PHACTR3: variants seen among roughly 807,000 people sequenced by gnomAD.
The protein encoded by PHACTR3 is phosphatase and actin regulator 3, also known as protein phosphatase 1, regulatory subunit 123.
Under a neutral mutation model 66.8 loss-of-function variants are expected in PHACTR3, and 16 were observed. The ratio of observed to expected loss-of-function variants is 0.24; its 90% CI spans 0.16 to 0.36. The LOEUF is 0.36. Among genes scored for constraint, PHACTR3 ranks in the 10% least tolerant of loss-of-function variants. PHACTR3 has a pLI of 1.00. For missense variants in PHACTR3, 647 were observed against 719.9 expected, an observed-to-expected ratio of 0.90 and a Z score of 1.16; for synonymous variants, 323 against 292.1, an observed-to-expected ratio of 1.11 and a Z score of -1.08.
At chr20:59,698,946 G>T (rs1231592187) in intron 1 of PHACTR3, among the ~76,000 whole-genome samples, 1 of 152,140 alleles carries the variant, frequency 6.6e-6, no homozygotes, top group Non-Finnish European at 1.5e-5. Context: ...ATGCTGCCTG[G>T]TAAGTACATT....
At chr20:59,760,231 G>A (rs1283205856) in intron 4 of PHACTR3, among the ~76,000 whole-genome samples, 1 of 152,208 alleles carries the variant, frequency 6.6e-6, no homozygotes, top group African/African-American at 2.4e-5. Context: ...TCAGGAGGAG[G>A]ACACTGTCAA....
At chr20:59,634,074 G>A (rs931878293) in intron 1 of PHACTR3, among the ~76,000 whole-genome samples, 5 of 152,152 alleles carry the variant, frequency 3.3e-5, no homozygotes, top group Non-Finnish European at 5.9e-5. Context: ...ACTGTTCAGC[G>A]CCCAGCTTTC....
intron 1 of PHACTR3, among the ~76,000 whole-genome samples, chr20:59,623,586 C>A (rs2034339310): frequency 6.6e-6 from 1 of 152,202 alleles, no homozygotes; most frequent in South Asian, 2.1e-4. Flanking sequence ...AACACGCTAG[C>A]CCCTGTTCTG....
intron 1 of PHACTR3, among the ~76,000 whole-genome samples, chr20:59,689,801 C>G (rs6064827): frequency 0.094 from 14,263 of 152,194 alleles, 935 homozygotes; most frequent in South Asian, 0.27. Flanking sequence ...CATCCCCATC[C>G]CTGCCACATC....
At chr20:59,748,333 GGA>G (rs2039448435) in intron 3 of PHACTR3, among the ~76,000 whole-genome samples, 1 of 152,090 alleles carries the variant, frequency 6.6e-6, no homozygotes, top group African/African-American at 2.4e-5. Context: ...GCATCCCTGG[GGA>G]GAGAGGCAGC....
At chr20:59,717,054 C>G (rs1369729736) in intron 1 of PHACTR3, among the ~76,000 whole-genome samples, 2 of 152,144 alleles carry the variant, frequency 1.3e-5, no homozygotes, top group African/African-American at 4.8e-5. Context: ...TTATTATGCT[C>G]ATAAACACAA....
chr20:59,713,097 C>G (rs1296182338), intron 1 of PHACTR3, among the ~76,000 whole-genome samples: 2 of 152,216 alleles, frequency 1.3e-5, no homozygotes, highest in Admixed American at 1.3e-4. Context: ...TCTGAGTTCT[C>G]ATTTTGAATC....
chr20:59,645,646 A>C (rs548616302), intron 1 of PHACTR3, among the ~76,000 whole-genome samples: 1 of 152,318 alleles, frequency 6.6e-6, no homozygotes, highest in Admixed American at 6.5e-5. Context: ...ATAAAACATA[A>C]ATTTATATAA....
intron 1 of PHACTR3, among the ~76,000 whole-genome samples, chr20:59,669,038 G>A (rs1483611728): frequency 6.6e-6 from 1 of 152,064 alleles, no homozygotes; most frequent in Non-Finnish European, 1.5e-5. Context: ...GTGAACCACT[G>A]CGCCCGGCCC....
At chr20:59,586,038 G>T (rs1053212861) in intron 1 of PHACTR3, among the ~76,000 whole-genome samples, 5 of 152,170 alleles carry the variant, frequency 3.3e-5, no homozygotes, top group Non-Finnish European at 7.4e-5. Context: ...GCGCAGGCCT[G>T]CCCGGACATC....
intron 5 of PHACTR3, 133 bp downstream of exon 5, chr20:59,767,528 A>G (rs1302971832): frequency 9.1e-7 from 1 of 1,095,642 alleles, no homozygotes; most frequent in Non-Finnish European, 1.3e-6. Context: ...CCATACCTTC[A>G]ACCAGTCTTG....
intron 3 of PHACTR3, among the ~76,000 whole-genome samples, chr20:59,754,965 G>A (rs1418193082): frequency 2.0e-5 from 3 of 152,222 alleles, no homozygotes; most frequent in African/African-American, 4.8e-5. Context: ...GGAGTGGAGT[G>A]TAAGAGCAGA....
At chr20:59,827,546 C>T (rs2042228879) in intron 8 of PHACTR3, among the ~76,000 whole-genome samples, 1 of 152,156 alleles carries the variant, frequency 6.6e-6, no homozygotes, top group African/African-American at 2.4e-5. Context: ...ACATACGGCT[C>T]TCTCCTTTCA....
chr20:59,626,091 G>T (rs1238161525), intron 1 of PHACTR3, among the ~76,000 whole-genome samples: 1 of 152,176 alleles, frequency 6.6e-6, no homozygotes, highest in South Asian at 2.1e-4. Flanking sequence ...GCAATCCTCT[G>T]CAGGGAATTT....
chr20:59,662,463 A>G (rs2035841097), intron 1 of PHACTR3, among the ~76,000 whole-genome samples: 1 of 152,138 alleles, frequency 6.6e-6, no homozygotes, highest in African/African-American at 2.4e-5. Flanking sequence ...AGGAGAGAGC[A>G]GGATGTATGG....
intron 1 of PHACTR3, among the ~76,000 whole-genome samples, chr20:59,625,654 C>T (rs1339282839): frequency 1.3e-5 from 2 of 152,132 alleles, no homozygotes; most frequent in Non-Finnish European, 2.9e-5. Context: ...CCAGCTTTCC[C>T]CCTCTGAGCC....
At chr20:59,806,645 A>G (rs575864081) in intron 8 of PHACTR3, among the ~76,000 whole-genome samples, 8 of 152,318 alleles carry the variant, frequency 5.3e-5, no homozygotes, top group Non-Finnish European at 5.9e-5. Flanking sequence ...AAATTTGTCA[A>G]GTAAAGCTAC....
At chr20:59,732,381 G>A (rs1388195812) in intron 1 of PHACTR3, among the ~76,000 whole-genome samples, 1 of 152,178 alleles carries the variant, frequency 6.6e-6, no homozygotes, top group African/African-American at 2.4e-5. Flanking sequence ...CTGCCTGTTA[G>A]GGTTGTTTGC....
At chr20:59,774,617 G>A in intron 7 of PHACTR3, 127 bp downstream of exon 7, 1 of 1,295,280 alleles carries the variant, frequency 7.7e-7, no homozygotes, top group South Asian at 1.5e-5. Flanking sequence ...GGAGAAACAA[G>A]AGGGGGGCTG....
Sources: gnomAD v4.1 joint callset for allele counts (sites outside exome capture counted in the v4.1 genomes callset) on GRCh38, gnomAD v4.1.1 for gene constraint, MANE v1.5 for transcripts, NCBI Gene and HGNC (gene_info 2026-07-23, HGNC 2026-07-21) for gene names.